The following RBFOX1 variants were observed in gnomAD, a reference collection of about 807,000 sequenced individuals.
RBFOX1 encodes the protein RNA binding fox-1 homolog 1.
Under a neutral mutation model 57.7 loss-of-function variants are expected in RBFOX1, and 8 were observed. The observed-to-expected ratio is 0.14, with a 90% CI of 0.08 to 0.25. RBFOX1 has a LOEUF of 0.25. Among genes scored for constraint, RBFOX1 ranks in the 10% least tolerant of loss-of-function variants. RBFOX1 has a pLI of 1.00. For synonymous variants in RBFOX1, 326 were observed against 222.4 expected (o/e 1.47, Z -4.15); for missense variants, 611 against 548.5 (o/e 1.11, Z -1.14).
In RBFOX1 at chr16:7,125,614, A is replaced by G. The variant is rs561364134; in HGVS notation, c.27+73516A>G. Among the ~76,000 whole-genome samples, 7 of 152,324 alleles carry G rather than the reference A, an allele frequency of 4.6e-5. No homozygotes were observed. In the South Asian group the frequency reaches 1.5e-3, roughly 32 times the overall value. Reference sequence around the variant, plus strand: ...AACATCTCATTTCATCATCGCAATAATATAGAAGATGGATATCGTTAACTC... The same window carrying G: ...AACATCTCATTTCATCATCGCAATAGTATAGAAGATGGATATCGTTAACTC... On this transcript the variant is annotated intron_variant, in intron 4 of 15. Transcript: ENST00000550418.
At chr16:6,981,284 A>C (rs1362575154) in intron 3 of RBFOX1, among the ~76,000 whole-genome samples, 7 of 151,928 alleles carry the variant, frequency 4.6e-5, no homozygotes, top group Non-Finnish European at 8.8e-5. Flanking sequence ...TTCACCCTCC[A>C]AAAGGCCCCT....
rs971953861 is a variant in RBFOX1, at chr16:6,821,366, A to G, written c.-16+166716A>G. Reference sequence around the variant, plus strand: ...AATTGGAAAACTAGTCTAGTCTTTGATACTGTTTTATTTTAAAAAATTTCA... The same window carrying G: ...AATTGGAAAACTAGTCTAGTCTTTGGTACTGTTTTATTTTAAAAAATTTCA... On this transcript the variant is annotated intron_variant, in intron 3 of 15. Coordinates refer to ENST00000550418, the MANE Select transcript of RBFOX1 (RefSeq NM_018723.4). Among the ~76,000 whole-genome samples, 19 of 152,306 alleles carry G rather than the reference A, an allele frequency of 1.2e-4. 1 individual carries two copies. The highest frequency in any genetic ancestry group is 4.1e-4 in the South Asian group (2 of 4,826).
At chr16:7,127,668 G>A (rs1047603007) in intron 4 of RBFOX1, among the ~76,000 whole-genome samples, 5 of 152,180 alleles carry the variant, frequency 3.3e-5, no homozygotes, top group African/African-American at 1.2e-4. Flanking sequence ...TTCAAGTTAA[G>A]AGTATAAATG....
chr16:5,606,806 TG>T (rs149843105), intron 3 of RBFOX1, among the ~76,000 whole-genome samples: 1,812 of 151,952 alleles, frequency 0.012, 38 homozygotes, highest in African/African-American at 0.041. Context: ...TTGCAGGAGA[TG>T]GGGGGCTCCA....
At chr16:6,396,952 G>T (rs2092862815) in intron 2 of RBFOX1, among the ~76,000 whole-genome samples, 1 of 152,112 alleles carries the variant, frequency 6.6e-6, no homozygotes, top group Non-Finnish European at 1.5e-5. Context: ...CTAAACAGGA[G>T]AATGGGGACA....
intron 3 of RBFOX1, among the ~76,000 whole-genome samples, chr16:6,736,894 A>G (rs2070489100): frequency 6.6e-6 from 1 of 152,202 alleles, no homozygotes; most frequent in Non-Finnish European, 1.5e-5. Context: ...GCCTAGGTAT[A>G]GACTTAGCAG....
chr16:7,407,593 G>A (rs2098367455), intron 4 of RBFOX1, among the ~76,000 whole-genome samples: 1 of 152,136 alleles, frequency 6.6e-6, no homozygotes, highest in African/African-American at 2.4e-5. Flanking sequence ...GGGAAGGTAA[G>A]AGCAGTGTTC....
intron 1 of RBFOX1, among the ~76,000 whole-genome samples, chr16:6,157,686 A>G (rs374043086): frequency 2.0e-5 from 3 of 152,226 alleles, no homozygotes; most frequent in Non-Finnish European, 2.9e-5. Context: ...ATATATGCCC[A>G]TATATAAAAT....
At chr16:6,442,186 C>G (rs115804296) in intron 2 of RBFOX1, among the ~76,000 whole-genome samples, 3 of 152,112 alleles carry the variant, frequency 2.0e-5, no homozygotes, top group South Asian at 4.1e-4. Context: ...GTGGTAGCTT[C>G]TCAGAAAAAT....
intron 3 of RBFOX1, among the ~76,000 whole-genome samples, chr16:5,705,271 T>A (rs2051200086): frequency 6.6e-6 from 1 of 152,116 alleles, no homozygotes. Context: ...GTTTTTATTT[T>A]TTTAGTTTTA....
At chr16:5,439,849 G>A (rs2068031665) in intron 1 of RBFOX1, among the ~76,000 whole-genome samples, 1 of 152,160 alleles carries the variant, frequency 6.6e-6, no homozygotes, top group South Asian at 2.1e-4. Context: ...TCACATGGCA[G>A]CAGGTGAGTT....
intron 5 of RBFOX1, among the ~76,000 whole-genome samples, chr16:7,551,256 C>T (rs777470287): frequency 2.6e-5 from 4 of 152,032 alleles, no homozygotes; most frequent in Non-Finnish European, 5.9e-5. Context: ...CACCACTTGT[C>T]CCCCAGAAAC....
chr16:5,459,826 A>G (rs1373997202), intron 1 of RBFOX1, among the ~76,000 whole-genome samples: 1 of 152,074 alleles, frequency 6.6e-6, no homozygotes, highest in African/African-American at 2.4e-5. Context: ...TTACACTGAG[A>G]TGAAATGTGA....
At chr16:7,315,096 T>C (rs920081612) in intron 4 of RBFOX1, among the ~76,000 whole-genome samples, 1 of 150,620 alleles carries the variant, frequency 6.6e-6, no homozygotes, top group African/African-American at 2.4e-5. Flanking sequence ...AAGCTCTTTT[T>C]TTTTTTTTAA....
intron 1 of RBFOX1, among the ~76,000 whole-genome samples, chr16:6,222,433 C>G (rs1362173721): frequency 6.6e-6 from 1 of 151,770 alleles, no homozygotes; most frequent in Non-Finnish European, 1.5e-5. Flanking sequence ...TTCTGCTTGC[C>G]TGGAGCATAG....
chr16:6,632,559 T>C (rs1017387092), intron 2 of RBFOX1, among the ~76,000 whole-genome samples: 1 of 152,160 alleles, frequency 6.6e-6, no homozygotes, highest in Non-Finnish European at 1.5e-5. Flanking sequence ...CTTTTACCAA[T>C]GTTGATGGAT....
At chr16:7,636,004 A>G (rs11077209) in intron 11 of RBFOX1, among the ~76,000 whole-genome samples, 64,852 of 151,814 alleles carry the variant, frequency 0.43, 14,288 homozygotes, top group East Asian at 0.75. Flanking sequence ...GTAGAGACGG[A>G]GTTTCACGTG....
chr16:6,859,141 GTATATATATA>G (rs1174185442), intron 3 of RBFOX1, among the ~76,000 whole-genome samples: 1 of 98,250 alleles, frequency 1.0e-5, no homozygotes, highest in East Asian at 2.7e-4. Flanking sequence ...ATATATATAC[GTATATATATA>G]TGTATATATA....
chr16:5,928,098 A>T (rs1161316185), intron 4 of RBFOX1, among the ~76,000 whole-genome samples: 2 of 152,032 alleles, frequency 1.3e-5, no homozygotes, highest in Non-Finnish European at 2.9e-5. Flanking sequence ...TTATTTATTT[A>T]TTTTTTATTT....
Sources: allele counts gnomAD v4.1 joint callset (sites outside exome capture counted in the v4.1 genomes callset), GRCh38; gene constraint gnomAD v4.1.1; transcripts MANE v1.5; gene names NCBI Gene and HGNC (gene_info 2026-07-23, HGNC 2026-07-21).